The following ZNF565 variants were observed in gnomAD, a reference collection of about 807,000 sequenced individuals.
ZNF565 encodes the protein zinc finger protein 565.
ZNF565 carries 27 observed loss-of-function variants against 39.4 expected under a neutral mutation model. That is an observed-to-expected ratio of 0.69 (90% CI 0.51 to 0.95). ZNF565 has a LOEUF of 0.95. ZNF565 is among the 40% of genes least tolerant of loss of function. The pLI is 0.00. For synonymous variants in ZNF565, 185 were observed against 216.6 expected (o/e 0.85, Z 1.28); for missense variants, 524 against 621.1 (o/e 0.84, Z 1.66).
chr19:36,213,689 A>AATTT (rs1274120628), intron 1 of ZNF565, among the ~76,000 whole-genome samples: 1 of 133,288 alleles, frequency 7.5e-6, no homozygotes, highest in African/African-American at 2.9e-5. Context: ...CCAGCCATTA[A>AATTT]TTTTTTTTTT....
intron 4 of ZNF565, among the ~76,000 whole-genome samples, chr19:36,193,307 G>A (rs1453837837): frequency 3.3e-5 from 5 of 151,838 alleles, no homozygotes; most frequent in Admixed American, 6.6e-5. Context: ...TAGTAGAGAC[G>A]GGGCTTCACC....
intron 1 of ZNF565, among the ~76,000 whole-genome samples, chr19:36,233,002 G>A (rs886665034): frequency 2.0e-5 from 3 of 152,100 alleles, no homozygotes; most frequent in South Asian, 2.1e-4. Context: ...CCACGCTTTT[G>A]TATGTCCGTA....
intron 1 of ZNF565, among the ~76,000 whole-genome samples, chr19:36,214,269 C>G (rs1394180526): frequency 6.6e-6 from 1 of 152,104 alleles, no homozygotes; most frequent in Non-Finnish European, 1.5e-5. Context: ...ACGCACACAC[C>G]TTGGAGACAT....
intron 1 of ZNF565, among the ~76,000 whole-genome samples, chr19:36,231,786 T>G (rs1296414126): frequency 6.6e-6 from 1 of 152,138 alleles, no homozygotes; most frequent in Non-Finnish European, 1.5e-5. Flanking sequence ...CTAAGCTCTC[T>G]TTAATAGAGA....
chr19:36,185,212 C>T (rs577988343), intron 4 of ZNF565, among the ~76,000 whole-genome samples: 6 of 151,684 alleles, frequency 4.0e-5, no homozygotes, highest in Non-Finnish European at 7.4e-5. Context: ...GTCGGGTGTT[C>T]GAGATCAGCC....
Position 36,192,027 on chromosome 19 carries a change from T to C in ZNF565, c.232+2206A>G, listed in dbSNP as rs548235718. ...CTATCTTTTTTTTTTTTTTTTCTGT[T>C]GCCCAGGCTGGAGTGCAGTGGCGTG... is the stretch of plus-strand genomic sequence containing the variant. On this transcript the variant is annotated intron_variant, in intron 4 of 4. Transcript: ENST00000304116. Among the ~76,000 whole-genome samples the C allele has an allele frequency of 6.7e-5, 10 of 150,242 alleles. No individual in the cohort carries two copies. The South Asian group carries it at 1.1e-3, about 16-fold the overall frequency.
intron 1 of ZNF565, among the ~76,000 whole-genome samples, chr19:36,207,399 G>A (rs116829809): frequency 1.4e-4 from 21 of 152,204 alleles, no homozygotes; most frequent in South Asian, 1.2e-3. Context: ...AGTTAGCTGC[G>A]TATGGTGGTG....
intron 1 of ZNF565, among the ~76,000 whole-genome samples, chr19:36,227,334 A>G (rs1214999146): frequency 6.6e-6 from 1 of 150,654 alleles, no homozygotes; most frequent in South Asian, 2.1e-4. Context: ...GGTTGCAGTG[A>G]GCAGAGATCA....
At chr19:36,187,330 A>G (rs1975338662) in intron 4 of ZNF565, among the ~76,000 whole-genome samples, 1 of 151,684 alleles carries the variant, frequency 6.6e-6, no homozygotes, top group South Asian at 2.1e-4. Context: ...CTCCTAATAT[A>G]TATATTTATT....
intron 4 of ZNF565, 110 bp from the exon 5 acceptor site, chr19:36,183,843 T>C (rs1227307722): frequency 5.2e-6 from 5 of 965,692 alleles, no homozygotes; most frequent in Non-Finnish European, 7.6e-6. Flanking sequence ...TCCCAGCACT[T>C]TGGGAGGCTG....
chr19:36,245,764 T>C lies in ZNF565; in HGVS notation c.-234A>G. 1 of 519,436 alleles carries C rather than the reference T, an allele frequency of 1.9e-6. No individual in the cohort carries two copies. Among genetic ancestry groups the C allele is most frequent in the Admixed American group, 3.5e-5 (1 of 28,546 alleles). The allele number at this position is 519,436 out of a possible 1,614,324, so 32.2% of individuals were successfully genotyped here. On this transcript the variant is annotated 5_prime_UTR_variant, in exon 1 of 5. Transcript: ENST00000355114. This position sits in a 1 kb window ranked among gnomAD's most constrained non-coding sequence, Gnocchi z 4.4. ...CACGGTTGTCGGGGTCCCGGGCTGC[T>C]TTTCTTGGAGGGCTCGGTGCCGGAG...
intron 1 of ZNF565, chr19:36,213,066 A>T (rs1976420647): frequency 7.7e-6 from 1 of 129,776 alleles, no homozygotes; most frequent in African/African-American, 2.7e-5. Flanking sequence ...GCCTAAATCC[A>T]GTGTCACTCA....
At chr19:36,231,298 C>T (rs1429492291) in intron 1 of ZNF565, among the ~76,000 whole-genome samples, 1 of 151,976 alleles carries the variant, frequency 6.6e-6, no homozygotes, top group African/African-American at 2.4e-5. Flanking sequence ...CAGCCTCTGC[C>T]TCCCGGGTTC....
chr19:36,245,452 T>C lies in ZNF565; in HGVS notation c.55+24A>G. On this transcript the variant is annotated intron_variant, in intron 1 of 4. Transcript: ENST00000355114. This position sits in a 1 kb window ranked among gnomAD's most constrained non-coding sequence, Gnocchi z 4.4. ...AAAATCCGGATCACATTTCCCGTGG[T>C]CCACCGCGCATCTAGGAGGTTACCT... 2.8e-6 allele frequency: 2 copies of C among 702,146 alleles called. No homozygotes were observed. The highest frequency in any genetic ancestry group is 3.0e-5 in the South Asian group (2 of 67,590). 43.5% of individuals were successfully genotyped at this position (702,146 alleles called of 1,614,324 possible).
At position 36,194,273 on chromosome 19, in the gene ZNF565, G is replaced by C; in HGVS notation, c.192C>G (p.Pro64=). Residue 64 remains proline (P), a synonymous_variant, in exon 4 of 5, where the codon CCC becomes CCG. Coordinates refer to ENST00000304116, the MANE Select transcript of ZNF565 (RefSeq NM_152477.5). ...VVSLLEQGKE[P]WMIANDVTGP... is the part of the protein sequence containing the mutation. ...CTGTCACATCATTTGCAATCATCCAGGGCTCTTTCCCTTGCTCCAATAAGG... is the reference window on the plus strand; with the variant it reads ...CTGTCACATCATTTGCAATCATCCACGGCTCTTTCCCTTGCTCCAATAAGG... 1 of 1,612,888 alleles carries C rather than the reference G, an allele frequency of 6.2e-7. No individual in the cohort carries two copies. The highest frequency in any genetic ancestry group is 1.7e-4 in the Middle Eastern group (1 of 6,054).
chr19:36,203,057 G>T (rs991559761), intron 1 of ZNF565, among the ~76,000 whole-genome samples: 2 of 151,936 alleles, frequency 1.3e-5, no homozygotes, highest in African/African-American at 4.8e-5. Context: ...CTAGACAGCT[G>T]GGCACGGTGG....
chr19:36,243,642 TGCCTTCCTTCCA>T (rs1977834395), intron 1 of ZNF565, among the ~76,000 whole-genome samples: 4 of 152,112 alleles, frequency 2.6e-5, no homozygotes, highest in Admixed American at 2.6e-4. Context: ...ATGAGAGAAA[TGCCTTCCTTCCA>T]GCCAGAGGAG....
intron 1 of ZNF565, among the ~76,000 whole-genome samples, chr19:36,211,449 T>TCTCACACACACA (rs1229625965): frequency 7.3e-5 from 10 of 137,776 alleles, no homozygotes; most frequent in African/African-American, 1.6e-4. Context: ...CAACTCTCTC[T>TCTCACACACACA]CACACACACA....
At position 36,245,760 on chromosome 19, in the gene ZNF565, C is replaced by A. The variant is rs2029894885; in HGVS notation, c.-230G>T. On this transcript the variant is annotated 5_prime_UTR_variant, in exon 1 of 5. Coordinates refer to the ZNF565 transcript ENST00000355114. The surrounding 1 kb of genome is among the most constrained non-coding windows in gnomAD (Gnocchi z 4.4). ...CGTCCACGGTTGTCGGGGTCCCGGG[C>A]TGCTTTTCTTGGAGGGCTCGGTGCC... is the stretch of plus-strand genomic sequence containing the variant. 3.8e-6 allele frequency: 2 copies of A among 526,474 alleles called. No homozygotes were observed. Among genetic ancestry groups the A allele is most frequent in the East Asian group, 6.5e-5 (2 of 30,596 alleles). The allele number at this position is 526,474 out of a possible 1,614,324, so 32.6% of individuals were successfully genotyped here.
Sources: gnomAD v4.1 joint callset for allele counts (sites outside exome capture counted in the v4.1 genomes callset) on GRCh38, gnomAD v4.1.1 for gene constraint, Gnocchi (gnomAD v3.1) non-coding constraint, MANE v1.5 for transcripts, NCBI Gene and HGNC (gene_info 2026-07-23, HGNC 2026-07-21) for gene names.